UNC79: variants seen among roughly 807,000 people sequenced by gnomAD.
UNC79 encodes protein unc-79 homolog.
In UNC79, 37 loss-of-function variants were observed where a neutral mutation model predicts 283.1. The ratio of observed to expected loss-of-function variants is 0.13; its 90% CI spans 0.10 to 0.17. The LOEUF is 0.17. Among genes scored for constraint, UNC79 ranks in the 10% least tolerant of loss-of-function variants. The pLI is 1.00. For synonymous variants in UNC79, 1,107 were observed against 1,200.2 expected (o/e 0.92, Z 1.61); for missense variants, 2,272 against 3,211.1 (o/e 0.71, Z 7.07).
chr14:93,480,821 A>T (rs1447460173), intron 4 of UNC79, among the ~76,000 whole-genome samples: 2 of 152,196 alleles, frequency 1.3e-5, no homozygotes, highest in Non-Finnish European at 2.9e-5. Flanking sequence ...AACTTCTTGC[A>T]GAATATTTTT....
chr14:93,660,834 C>T (rs1387203076), intron 39 of UNC79, among the ~76,000 whole-genome samples: 1 of 151,944 alleles, frequency 6.6e-6, no homozygotes. Context: ...AAGTGATCCA[C>T]CAGCCTCAGC....
intron 16 of UNC79, 112 bp from the exon 17 acceptor site, chr14:93,574,946 T>C (rs2063392718): frequency 8.6e-7 from 1 of 1,159,398 alleles, no homozygotes; most frequent in Admixed American, 2.8e-5. Context: ...CGTGTAAGGC[T>C]AATTATCCTT....
intron 1 of UNC79, among the ~76,000 whole-genome samples, chr14:93,349,144 A>G (rs574823939): frequency 1.3e-5 from 2 of 152,340 alleles, no homozygotes; most frequent in South Asian, 2.1e-4. Flanking sequence ...AACTCCGGAC[A>G]CACACCATCT....
chr14:93,707,065 C>G, downstream of UNC79: 1 of 767,376 alleles, frequency 1.3e-6, no homozygotes, highest in Non-Finnish European at 2.0e-6. Flanking sequence ...GAAAATGAAG[C>G]TTTCTTGCTA....
intron 1 of UNC79, among the ~76,000 whole-genome samples, chr14:93,441,596 G>A (rs1224159763): frequency 6.6e-6 from 1 of 151,296 alleles, no homozygotes; most frequent in Non-Finnish European, 1.5e-5. Flanking sequence ...CTTGTTTTTG[G>A]ACTAACTAGT....
chr14:93,381,543 C>T (rs941171315), intron 1 of UNC79, among the ~76,000 whole-genome samples: 25 of 152,256 alleles, frequency 1.6e-4, no homozygotes, highest in African/African-American at 5.1e-4. Flanking sequence ...GCTCAAGAAG[C>T]GTGCTACTGG....
chr14:93,653,951 T>C, exon 37 of UNC79: 1 of 1,614,154 alleles, frequency 6.2e-7, no homozygotes. Context: ...TGGGACTTTT[T>C]TACGGACCTT....
In UNC79 at chr14:93,688,683, T is replaced by A; in HGVS notation, c.6928T>A (p.Ser2310Thr). The change falls in exon 44 of 49, where the codon TCC (serine) becomes ACC (threonine). Residue 2310 changes from serine to threonine, a missense_variant. Transcript: ENST00000555664. The surrounding 1 kb of genome is among the most constrained non-coding windows in gnomAD (Gnocchi z 4.0). ...TTTGTAGAGCCACATGAAGACATGT[T>A]CCCAGCCTCTGCATGAAGATACCTT... The A allele has an allele frequency of 6.2e-7, 1 of 1,613,954 alleles. No individual in the cohort carries two copies. The highest frequency in any genetic ancestry group is 8.5e-7 in the Non-Finnish European group (1 of 1,179,902).
chr14:93,673,979 GCTGAGGACC>G (rs1036177169), intron 41 of UNC79, among the ~76,000 whole-genome samples: 3 of 152,190 alleles, frequency 2.0e-5, no homozygotes, highest in African/African-American at 7.2e-5. Flanking sequence ...GACCACTGAA[GCTGAGGACC>G]ACTATAAGGC....
chr14:93,530,781 C>T (rs998162350), intron 10 of UNC79, among the ~76,000 whole-genome samples: 64 of 151,714 alleles, frequency 4.2e-4, no homozygotes, highest in Non-Finnish European at 6.8e-4. Flanking sequence ...TGGCGGCGGG[C>T]ACCTGTAGTC....
chr14:93,617,169 G>A lies in UNC79; in HGVS notation c.4089G>A (p.Val1363=), dbSNP rs1321191636. Residue 1363 remains valine (V), a synonymous_variant, in exon 28 of 49, where the codon GTG becomes GTA. Coordinates refer to ENST00000555664, the Ensembl canonical transcript of UNC79. This position sits in a 1 kb window ranked among gnomAD's most constrained non-coding sequence, Gnocchi z 4.5. ...TGGGAAAACACCTTCTCCCCTTAGT[G>A]GTTCAGGTGCTCAAATACTGCTCTT... is the stretch of plus-strand genomic sequence containing the variant. 4 of 1,614,088 alleles carry A rather than the reference G, an allele frequency of 2.5e-6. No individual in the cohort carries two copies. The South Asian group carries it at 4.4e-5, about 18-fold the overall frequency.
At chr14:93,509,627 T>C (rs2059719022) in intron 7 of UNC79, among the ~76,000 whole-genome samples, 1 of 152,172 alleles carries the variant, frequency 6.6e-6, no homozygotes, top group Non-Finnish European at 1.5e-5. Context: ...AGCTCCAAAA[T>C]AATCTGCTTT....
At chr14:93,658,783 G>A (rs948698486) in intron 38 of UNC79, among the ~76,000 whole-genome samples, 3 of 151,994 alleles carry the variant, frequency 2.0e-5, no homozygotes, top group Middle Eastern at 3.2e-3. Context: ...TCACAAATTG[G>A]TGCATCTCTT....
intron 1 of UNC79, among the ~76,000 whole-genome samples, chr14:93,454,186 G>A (rs2056730652): frequency 6.6e-6 from 1 of 151,922 alleles, no homozygotes; most frequent in Non-Finnish European, 1.5e-5. Context: ...GGGACTACAG[G>A]TATCACCATG....
chr14:93,370,706 A>C (rs562091636), intron 1 of UNC79, among the ~76,000 whole-genome samples: 1 of 152,306 alleles, frequency 6.6e-6, no homozygotes, highest in Admixed American at 6.5e-5. Context: ...CGGGAGGTGG[A>C]GGTTGCAGTG....
At chr14:93,467,633 T>TTTTTTTTTTTTTTTTTTC in intron 1 of UNC79, 38 bp from the exon 2 acceptor site, 1 of 568,114 alleles carries the variant, frequency 1.8e-6, no homozygotes, top group Non-Finnish European at 2.1e-6. Context: ...TCTTCCTTTT[T>TTTTTTTTTTTTTTTTTTC]TTTTTTTTTT....
chr14:93,668,548 A>G (rs1291218805), intron 40 of UNC79, among the ~76,000 whole-genome samples: 1 of 151,344 alleles, frequency 6.6e-6, no homozygotes, highest in Admixed American at 6.6e-5. Context: ...CCATCTCTAT[A>G]CAAAAAAAAA....
intron 1 of UNC79, among the ~76,000 whole-genome samples, chr14:93,424,857 G>T (rs2055689232): frequency 6.6e-6 from 1 of 152,146 alleles, no homozygotes; most frequent in East Asian, 1.9e-4. Flanking sequence ...AAAATAACAA[G>T]GAATATAATT....
chr14:93,521,550 G>A (rs1464060881), intron 7 of UNC79, among the ~76,000 whole-genome samples: 1 of 151,754 alleles, frequency 6.6e-6, no homozygotes, highest in East Asian at 1.9e-4. Flanking sequence ...TTACTGTCAG[G>A]AAGAAAGCCA....
Sources: gnomAD v4.1 joint callset for allele counts (sites outside exome capture counted in the v4.1 genomes callset) on GRCh38, gnomAD v4.1.1 for gene constraint, Gnocchi (gnomAD v3.1) non-coding constraint, MANE v1.5 for transcripts, NCBI Gene and HGNC (gene_info 2026-07-23, HGNC 2026-07-21) for gene names.